TTC28: variants seen among roughly 807,000 people sequenced by gnomAD.
TTC28 encodes tetratricopeptide repeat protein 28.
TTC28 carries 61 observed loss-of-function variants against 198.0 expected under a neutral mutation model. The observed-to-expected ratio is 0.31, with a 90% CI of 0.25 to 0.38. The LOEUF is 0.38. Ranked by LOEUF, TTC28 falls within the 10% of genes least tolerant of loss-of-function variation. The probability of loss-of-function intolerance (pLI) is 1.00; values close to 1 mark genes in which losing one functional copy is unlikely to be tolerated. For synonymous variants in TTC28, 1,171 were observed against 1,297.8 expected (o/e 0.90, Z 2.10); for missense variants, 2,678 against 3,164.0 (o/e 0.85, Z 3.69).
intron 2 of TTC28, among the ~76,000 whole-genome samples, chr22:28,342,788 TG>T (rs1347144688): frequency 2.0e-5 from 3 of 152,180 alleles, no homozygotes; most frequent in Non-Finnish European, 4.4e-5. Context: ...CATAAGCTCT[TG>T]ATCACATTAT....
At chr22:28,151,031 GAA>G (rs1257265885) in intron 6 of TTC28, among the ~76,000 whole-genome samples, 1 of 152,212 alleles carries the variant, frequency 6.6e-6, no homozygotes, top group East Asian at 1.9e-4. Flanking sequence ...TGCCTAACGG[GAA>G]AAGTCCCCAT....
chr22:28,307,864 C>G (rs2045176872), intron 2 of TTC28, among the ~76,000 whole-genome samples: 1 of 152,022 alleles, frequency 6.6e-6, no homozygotes, highest in South Asian at 2.1e-4. Flanking sequence ...AAGTTTCAAA[C>G]TCTTAAAACT....
chr22:28,509,735 A>G (rs2048662580), intron 2 of TTC28, among the ~76,000 whole-genome samples: 1 of 152,164 alleles, frequency 6.6e-6, no homozygotes, highest in Non-Finnish European at 1.5e-5. Context: ...AAAACAATCA[A>G]TGAATTCACA....
At chr22:28,039,555 G>A (rs889155391) in intron 12 of TTC28, among the ~76,000 whole-genome samples, 9 of 152,046 alleles carry the variant, frequency 5.9e-5, no homozygotes, top group African/African-American at 2.2e-4. Context: ...GGCATTAGGA[G>A]ATATACCTAA....
At chr22:28,073,901 A>C (rs1331954157) in intron 12 of TTC28, among the ~76,000 whole-genome samples, 5 of 152,200 alleles carry the variant, frequency 3.3e-5, no homozygotes, top group Non-Finnish European at 4.4e-5. Context: ...CAGAACAAGA[A>C]ATAAATGCTT....
intron 2 of TTC28, among the ~76,000 whole-genome samples, chr22:28,559,054 ATTTCGGTTTAT>A (rs937523400): frequency 2.0e-5 from 3 of 152,078 alleles, no homozygotes; most frequent in African/African-American, 7.2e-5. Context: ...AAAAGAGAGA[ATTTCGGTTTAT>A]TTATTTCCAA....
At chr22:28,407,894 C>T (rs1019937837) in intron 2 of TTC28, among the ~76,000 whole-genome samples, 3 of 152,186 alleles carry the variant, frequency 2.0e-5, no homozygotes, top group Admixed American at 6.5e-5. Flanking sequence ...GGAATTAAAT[C>T]GAATGTCATA....
intron 2 of TTC28, among the ~76,000 whole-genome samples, chr22:28,382,390 T>C (rs1436695431): frequency 6.6e-6 from 1 of 152,160 alleles, no homozygotes; most frequent in Non-Finnish European, 1.5e-5. Context: ...GAGTATTCCC[T>C]GGGCCTCAAA....
rs564954465 is a variant in TTC28 at position 28,144,884 on chromosome 22, T to C, written c.1441+18208A>G. Among the ~76,000 whole-genome samples, 18 of 152,362 alleles carry C rather than the reference T, an allele frequency of 1.2e-4. No homozygotes were observed. The South Asian group carries it at 3.7e-3, about 32-fold the overall frequency. Reference sequence around the variant, plus strand: ...AGCACTGCAAGGTGCAGAAAAGCACTGGTTTGTATTTGAAAAAGCTTCTTA... The same window carrying C: ...AGCACTGCAAGGTGCAGAAAAGCACCGGTTTGTATTTGAAAAAGCTTCTTA... On this transcript the variant is annotated intron_variant, in intron 6 of 22. Coordinates refer to ENST00000397906, the MANE Select transcript of TTC28 (RefSeq NM_001145418.2).
intron 5 of TTC28, among the ~76,000 whole-genome samples, chr22:28,271,256 A>T (rs1409711489): frequency 6.6e-6 from 1 of 152,000 alleles, no homozygotes; most frequent in Non-Finnish European, 1.5e-5. Context: ...TCCTTGGGTT[A>T]GACTGTATAC....
chr22:28,501,420 T>C (rs1375440365), intron 2 of TTC28, among the ~76,000 whole-genome samples: 1 of 152,040 alleles, frequency 6.6e-6, no homozygotes, highest in African/African-American at 2.4e-5. Flanking sequence ...GAGTTTGATG[T>C]AGTGAAAAAA....
chr22:28,544,465 G>A (rs1222908126), intron 2 of TTC28, among the ~76,000 whole-genome samples: 1 of 152,076 alleles, frequency 6.6e-6, no homozygotes, highest in Non-Finnish European at 1.5e-5. Context: ...CATGATATAA[G>A]GCTTCTATAA....
At chr22:28,509,842 A>C (rs998514131) in intron 2 of TTC28, among the ~76,000 whole-genome samples, 2 of 152,188 alleles carry the variant, frequency 1.3e-5, no homozygotes, top group Non-Finnish European at 2.9e-5. Context: ...GATAAGGGGG[A>C]TATCACCACT....
At chr22:28,391,880 G>T (rs1384042734) in intron 2 of TTC28, among the ~76,000 whole-genome samples, 6 of 152,202 alleles carry the variant, frequency 3.9e-5, no homozygotes, top group African/African-American at 1.4e-4. Context: ...TTCCGTTGCT[G>T]GTGAGGAACT....
At chr22:28,639,070 T>C (rs2051320201) in intron 1 of TTC28, among the ~76,000 whole-genome samples, 2 of 152,372 alleles carry the variant, frequency 1.3e-5, no homozygotes, top group East Asian at 1.9e-4. Context: ...ATTTATCTTA[T>C]AGATGCACTT....
chr22:28,058,019 A>G (rs1940359562), intron 12 of TTC28, among the ~76,000 whole-genome samples: 2 of 152,116 alleles, frequency 1.3e-5, no homozygotes, highest in African/African-American at 2.4e-5. Context: ...GTCAAGTAGT[A>G]TACATTCTCC....
chr22:28,672,815 A>G (rs1241665644), intron 1 of TTC28, among the ~76,000 whole-genome samples: 1 of 152,244 alleles, frequency 6.6e-6, no homozygotes, highest in Non-Finnish European at 1.5e-5. Flanking sequence ...AATTGGCCTC[A>G]CTGTGACCAC....
chr22:28,194,851 A>T (rs1409060866), intron 5 of TTC28, among the ~76,000 whole-genome samples: 2 of 93,964 alleles, frequency 2.1e-5, no homozygotes, highest in Admixed American at 2.0e-4. Flanking sequence ...TAATTCTACC[A>T]GAGGTACAAA....
chr22:28,354,868 A>G (rs2046050962), intron 2 of TTC28, among the ~76,000 whole-genome samples: 2 of 151,726 alleles, frequency 1.3e-5, no homozygotes, highest in South Asian at 4.2e-4. Flanking sequence ...ACATGTGCAC[A>G]TTGTGCAGGT....
Sources: allele counts gnomAD v4.1 joint callset (sites outside exome capture counted in the v4.1 genomes callset), GRCh38; gene constraint gnomAD v4.1.1; transcripts MANE v1.5; gene names NCBI Gene and HGNC (gene_info 2026-07-23, HGNC 2026-07-21).